The following PCDHGA5 variants were observed in gnomAD, a reference collection of about 807,000 sequenced individuals.
PCDHGA5 encodes protocadherin gamma subfamily A, 5, also known as protocadherin gamma-A5.
A neutral mutation model predicts 56.7 loss-of-function variants in PCDHGA5; 36 were observed. The ratio of observed to expected loss-of-function variants is 0.64; its 90% CI spans 0.49 to 0.84. The LOEUF (loss-of-function observed/expected upper bound fraction) is 0.84, where lower values mean the gene tolerates loss of function less well. Ranked by LOEUF, PCDHGA5 falls within the 40% of genes least tolerant of loss-of-function variation. The pLI, the probability that PCDHGA5 is intolerant of heterozygous loss-of-function variation, is 0.00. For synonymous variants in PCDHGA5, 563 were observed against 520.2 expected (o/e 1.08, Z -1.12); for missense variants, 1,305 against 1,201.5 (o/e 1.09, Z -1.27).
At position 141,400,328 on chromosome 5, in the gene PCDHGA5, T is replaced by A. The variant is rs754904671; in HGVS notation, c.2421+33577T>A. ...GGTCTCTGTGTCAAGTCTGGACCTG[T>A]GGTTCCCCCCAACTACAGTCAGGGG... On this transcript the variant is annotated intron_variant, in intron 1 of 3. Coordinates refer to ENST00000518069, the MANE Select transcript of PCDHGA5 (RefSeq NM_018918.3). 80 of 1,613,976 alleles carry A rather than the reference T, an allele frequency of 5.0e-5. No homozygotes were observed. Among genetic ancestry groups the A allele is most frequent in the Non-Finnish European group, 6.4e-5 (76 of 1,179,916 alleles).
In PCDHGA5 at chr5:141,492,559, C is replaced by A. The variant is rs533830391; in HGVS notation, c.2422-2248C>A. ...GGGCTGGGCCGGGTCGCCTGGGGGG[C>A]GGCCTGAGCGAGGCGCGGGGCCAGG... On this transcript the variant is annotated intron_variant, in intron 1 of 3. Coordinates refer to ENST00000518069, the MANE Select transcript of PCDHGA5 (RefSeq NM_018918.3). 2.6e-5 allele frequency among the ~76,000 whole-genome samples: 4 copies of A among 152,292 alleles called. No individual in the cohort carries two copies. The East Asian group carries it at 7.7e-4, about 29-fold the overall frequency.
At chr5:141,429,577 T>C (rs2097225544) in intron 1 of PCDHGA5, among the ~76,000 whole-genome samples, 2 of 152,230 alleles carry the variant, frequency 1.3e-5, no homozygotes, top group South Asian at 4.1e-4. Context: ...TTACATTTAC[T>C]TTTGATTCTT....
chr5:141,509,051 A>G (rs1051961974), intron 3 of PCDHGA5, among the ~76,000 whole-genome samples: 1 of 152,166 alleles, frequency 6.6e-6, no homozygotes, highest in Admixed American at 6.5e-5. Context: ...CCCCGCCCCC[A>G]GAAAGCTCTC....
At chr5:141,428,021 C>A (rs1185050109) in intron 1 of PCDHGA5, 2 of 1,605,604 alleles carry the variant, frequency 1.2e-6, no homozygotes, top group Non-Finnish European at 1.7e-6. Flanking sequence ...TGCCACGCGC[C>A]GCAGAGTCCG....
Position 141,365,797 on chromosome 5 carries a change from C to T in PCDHGA5, c.1467C>T (p.Tyr489=), listed in dbSNP as rs376466748. The stretch of plus-strand genomic sequence containing the variant: ...GCGGCGACAACGCTCGAGTCACCTA[C>T]TCCCTGGCTGAAGACACATTTCAGG... ...PDSGDNARVT[Y]SLAEDTFQGA... is the part of the protein sequence containing the mutation. Residue 489 remains tyrosine (Y), a synonymous_variant, in exon 1 of 4, where the codon TAC becomes TAT. Transcript: ENST00000518069. 6.2e-7 allele frequency: 1 copy of T among 1,613,978 alleles called. No individual in the cohort carries two copies. The highest frequency in any genetic ancestry group is 8.5e-7 in the Non-Finnish European group (1 of 1,179,904).
chr5:141,510,840 A>C (rs2099882997), intron 3 of PCDHGA5, 107 bp from the exon 4 acceptor site: 1 of 1,588,450 alleles, frequency 6.3e-7, no homozygotes, highest in Non-Finnish European at 8.6e-7. Context: ...CAGCGTGGTC[A>C]AGGCCCAGGG....
intron 1 of PCDHGA5, chr5:141,371,522 T>C: frequency 3.1e-6 from 5 of 1,613,848 alleles, no homozygotes; most frequent in Non-Finnish European, 4.2e-6. Context: ...ATCTAGATTC[T>C]GGATTTAATG....
chr5:141,401,822 C>T (rs1340105226), intron 1 of PCDHGA5, among the ~76,000 whole-genome samples: 1 of 152,188 alleles, frequency 6.6e-6, no homozygotes, highest in Non-Finnish European at 1.5e-5. Flanking sequence ...TTACAAAGTG[C>T]TGAGATTTCT....
chr5:141,386,595 A>C (rs77368271), intron 1 of PCDHGA5, among the ~76,000 whole-genome samples: 1 of 146,110 alleles, frequency 6.8e-6, no homozygotes, highest in African/African-American at 2.5e-5. Context: ...TGGGGGATAC[A>C]TTTTTTTTTT....
intron 1 of PCDHGA5, among the ~76,000 whole-genome samples, chr5:141,386,239 T>C (rs940209503): frequency 2.0e-5 from 3 of 152,238 alleles, no homozygotes; most frequent in Non-Finnish European, 2.9e-5. Flanking sequence ...AAAAATTCAG[T>C]TGGAAATAAC....
chr5:141,419,701 C>T (rs1268060859), intron 1 of PCDHGA5: 7 of 1,612,860 alleles, frequency 4.3e-6, no homozygotes, highest in Non-Finnish European at 5.9e-6. Flanking sequence ...CCAGTGAGCC[C>T]GGGCTCTTCA....
intron 1 of PCDHGA5, chr5:141,385,278 A>G (rs776235211): frequency 7.4e-6 from 12 of 1,613,478 alleles, no homozygotes; most frequent in Non-Finnish European, 1.0e-5. Flanking sequence ...CTTTGCTAAC[A>G]TCCGTAGATT....
chr5:141,418,941 C>T, intron 1 of PCDHGA5: 1 of 1,614,034 alleles, frequency 6.2e-7, no homozygotes, highest in Non-Finnish European at 8.5e-7. Context: ...GAGGATTCCC[C>T]TCCAGGAGTG....
intron 1 of PCDHGA5, among the ~76,000 whole-genome samples, chr5:141,467,087 C>T (rs1159093881): frequency 3.4e-5 from 5 of 147,240 alleles, no homozygotes; most frequent in African/African-American, 1.3e-4. Context: ...AAGTCTCACT[C>T]TGTCACACAG....
intron 1 of PCDHGA5, chr5:141,428,189 CTCTCTGCGCCGCTACGCTTCACCTAG>C: frequency 7.0e-7 from 1 of 1,429,262 alleles, no homozygotes; most frequent in Non-Finnish European, 9.7e-7. Flanking sequence ...ACAGCCGCCG[CTCTCTGCGCCGCTACGCTTCACCTAG>C]TCTTCGCAGA....
intron 1 of PCDHGA5, chr5:141,419,534 G>C: frequency 6.2e-7 from 1 of 1,612,078 alleles, no homozygotes; most frequent in African/African-American, 1.3e-5. Context: ...TAACGACAAC[G>C]CACCGCGGGT....
rs2099693161 is a variant in PCDHGA5, at chr5:141,489,871, G to T, written c.2422-4936G>T. ...TGAAGCCCAGGCAAGACATCAGCTG[G>T]TGCTTACTGCTGTGGATGGGGGGAC... On this transcript the variant is annotated intron_variant, in intron 1 of 3. Coordinates refer to ENST00000518069, the MANE Select transcript of PCDHGA5 (RefSeq NM_018918.3). This position sits in a 1 kb window ranked among gnomAD's most constrained non-coding sequence, Gnocchi z 4.5. The T allele has an allele frequency of 6.2e-7, 1 of 1,614,088 alleles. No homozygotes were observed. Among genetic ancestry groups the T allele is most frequent in the Non-Finnish European group, 8.5e-7 (1 of 1,180,022 alleles).
At chr5:141,443,447 C>T (rs1267862519) in intron 1 of PCDHGA5, among the ~76,000 whole-genome samples, 1 of 152,184 alleles carries the variant, frequency 6.6e-6, no homozygotes, top group African/African-American at 2.4e-5. Flanking sequence ...GGTTGCGCTC[C>T]TGTACTCCAG....
intron 1 of PCDHGA5, chr5:141,399,936 C>A (rs1370105984): frequency 6.2e-7 from 1 of 1,612,268 alleles, no homozygotes; most frequent in African/African-American, 1.3e-5. Flanking sequence ...TGTCCTACCA[C>A]GTGCTGCAGG....
Sources: allele counts gnomAD v4.1 joint callset (sites outside exome capture counted in the v4.1 genomes callset), GRCh38; gene constraint gnomAD v4.1.1; non-coding constraint Gnocchi (gnomAD v3.1); transcripts MANE v1.5; gene names NCBI Gene and HGNC (gene_info 2026-07-23, HGNC 2026-07-21).